The following PATL2 variants were observed in gnomAD, a reference collection of about 807,000 sequenced individuals.
PATL2 encodes the protein protein PAT1 homolog 2.
Under a neutral mutation model 77.0 loss-of-function variants are expected in PATL2, and 73 were observed. That is an observed-to-expected ratio of 0.95 (90% CI 0.78 to 1.15). The LOEUF is 1.15. Ranked by LOEUF, PATL2 falls within the 50% of genes most tolerant of loss-of-function variation. The probability of loss-of-function intolerance (pLI) is 0.00; values close to 1 mark genes in which losing one functional copy is unlikely to be tolerated. For synonymous variants in PATL2, 265 were observed against 257.1 expected (o/e 1.03, Z -0.29); for missense variants, 618 against 655.4 (o/e 0.94, Z 0.62).
chr15:44,673,092 T>C, intron 7 of PATL2, 143 bp downstream of exon 7: 2 of 1,148,294 alleles, frequency 1.7e-6, no homozygotes, highest in Non-Finnish European at 1.2e-6. Flanking sequence ...TGGGGCTAAT[T>C]TGTGAGGGAG....
rs565438426 is a variant in PATL2 at position 44,691,638 on chromosome 15, G to A, written c.-75-15073C>T. Reference sequence around the variant, plus strand: ...ACAGCACCACTGCACTCCAGCCTGAGCCACAGAGTGAGACTCTGTCTCAAA... The same window carrying A: ...ACAGCACCACTGCACTCCAGCCTGAACCACAGAGTGAGACTCTGTCTCAAA... On this transcript the variant is annotated intron_variant, in intron 3 of 17. Transcript: ENST00000682850. Among the ~76,000 whole-genome samples the A allele has an allele frequency of 5.3e-5, 8 of 150,076 alleles. No homozygotes were observed. The East Asian group carries it at 1.6e-3, about 29-fold the overall frequency.
rs1227219730 is a variant in PATL2 at position 44,672,445 on chromosome 15, T to G, written c.458A>C (p.Gln153Pro). ...SWPPRFSHLTQLHPRHQRILQ... is the reference protein window; with the variant it reads ...SWPPRFSHLTPLHPRHQRILQ... ...GATTCGTTGGTGCCGAGGGTGGAGC[T>G]GGGTCAGATGACTGGGAAGACAAGA... Residue 153 changes from glutamine (Q) to proline (P), a missense_variant, in exon 8 of 18, where the codon CAG becomes CCG. Coordinates refer to ENST00000682850, the MANE Select transcript of PATL2 (RefSeq NM_001387263.1). 1 of 1,551,474 alleles carries G rather than the reference T, an allele frequency of 6.4e-7. No homozygotes were observed. Among genetic ancestry groups the G allele is most frequent in the Non-Finnish European group, 8.7e-7 (1 of 1,146,946 alleles).
chr15:44,700,544 A>T (rs1303735903), intron 3 of PATL2, among the ~76,000 whole-genome samples: 1 of 152,070 alleles, frequency 6.6e-6, no homozygotes, highest in African/African-American at 2.4e-5. Context: ...TCAAGTGATC[A>T]GCCCACTTTG....
At chr15:44,666,346 T>C (rs1201905066) in intron 17 of PATL2, 46 bp downstream of exon 17, 3 of 1,546,766 alleles carry the variant, frequency 1.9e-6, no homozygotes, top group South Asian at 2.4e-5. Flanking sequence ...AGAACATAGA[T>C]TGGGCTTGAA....
chr15:44,668,336 T>A lies in PATL2; in HGVS notation c.1365+6A>T, dbSNP rs972838348. 5.2e-6 allele frequency: 8 copies of A among 1,550,008 alleles called. No homozygotes were observed. The highest frequency in any genetic ancestry group is 7.0e-6 in the Non-Finnish European group (8 of 1,146,702). On this transcript the variant is annotated splice_donor_region_variant and intron_variant, in intron 15 of 17. Coordinates refer to ENST00000682850, the MANE Select transcript of PATL2 (RefSeq NM_001387263.1). ...TCTATGGAAAAAAGCCTCCTAGACATGTTACCTGATTCTGAAGCACCACGG... is the reference window on the plus strand; with the variant it reads ...TCTATGGAAAAAAGCCTCCTAGACAAGTTACCTGATTCTGAAGCACCACGG...
In PATL2 at chr15:44,673,356, T is replaced by A; in HGVS notation, c.325A>T (p.Ile109Phe). ...CTGGGAAATGTAGGCCAGAAAGGGA[T>A]GGGCGACAGGTAGTCCAAGGTCTGA... ...LWQTLDYLSPIPFWPTFPSTS... is the reference protein window; with the variant it reads ...LWQTLDYLSPFPFWPTFPSTS... Residue 109 changes from isoleucine (I) to phenylalanine (F), a missense_variant, in exon 7 of 18, where the codon ATC becomes TTC. Transcript: ENST00000682850. The A allele has an allele frequency of 1.3e-6, 2 of 1,551,678 alleles. No individual in the cohort carries two copies. The highest frequency in any genetic ancestry group is 1.7e-4 in the Middle Eastern group (1 of 5,990).
chr15:44,690,825 G>A (rs1205950378), intron 3 of PATL2, among the ~76,000 whole-genome samples: 2 of 151,960 alleles, frequency 1.3e-5, no homozygotes, highest in Non-Finnish European at 2.9e-5. Flanking sequence ...CAGTAACCAT[G>A]TCAAAATTAA....
chr15:44,695,048 C>T lies in PATL2; in HGVS notation c.-76+15048G>A, dbSNP rs544596195. ...TAAAAATACAAAAAAATTAGCTGGGCGTGGTGGCACGTGCCTGTAGTCCCA... is the reference window on the plus strand; with the variant it reads ...TAAAAATACAAAAAAATTAGCTGGGTGTGGTGGCACGTGCCTGTAGTCCCA... On this transcript the variant is annotated intron_variant, in intron 3 of 17. Coordinates refer to ENST00000682850, the MANE Select transcript of PATL2 (RefSeq NM_001387263.1). Among the ~76,000 whole-genome samples, 12 of 152,086 alleles carry T rather than the reference C, an allele frequency of 7.9e-5. No homozygotes were observed. The East Asian group carries it at 2.3e-3, about 29-fold the overall frequency.
At chr15:44,682,416 C>A (rs2086154012) in intron 3 of PATL2, among the ~76,000 whole-genome samples, 2 of 152,204 alleles carry the variant, frequency 1.3e-5, no homozygotes, top group African/African-American at 4.8e-5. Context: ...TTTGTCACTC[C>A]CACTTGCAAG....
Position 44,668,456 on chromosome 15 carries a change from C to A in PATL2, c.1251G>T (p.Leu417=). 6.4e-7 allele frequency: 1 copy of A among 1,551,182 alleles called. No individual in the cohort carries two copies. Among genetic ancestry groups the A allele is most frequent in the Non-Finnish European group, 8.7e-7 (1 of 1,146,882 alleles). ...GGGTCAAGTGACTAATACATTTGCC[C>A]AGAGGTTTGAATAACATTTGTAGGG... The part of the protein sequence containing the change: ...DQALQMLFKP[L]GKCISHLTLH... Residue 417 remains leucine, a synonymous_variant, in exon 15 of 18, where the codon CTG becomes CTT. Coordinates refer to ENST00000682850, the MANE Select transcript of PATL2 (RefSeq NM_001387263.1).
intron 3 of PATL2, among the ~76,000 whole-genome samples, chr15:44,700,288 TTTTCTTTTTATTTTC>T (rs969838866): frequency 1.3e-5 from 2 of 152,082 alleles, no homozygotes; most frequent in Non-Finnish European, 2.9e-5. Flanking sequence ...TGTACGTTGA[TTTTCTTTTTATTTTC>T]TTTCTTTTTG....
chr15:44,693,794 A>C (rs114415504), intron 3 of PATL2, among the ~76,000 whole-genome samples: 2 of 150,904 alleles, frequency 1.3e-5, no homozygotes, highest in African/African-American at 4.9e-5. Flanking sequence ...CTTCAATCGC[A>C]CTTCAAGCGG....
Position 44,668,958 on chromosome 15 carries a change from TCTC to T in PATL2, c.1224+19_1224+21del. The T allele has an allele frequency of 6.6e-7, 1 of 1,514,292 alleles. No individual in the cohort carries two copies. Among genetic ancestry groups the T allele is most frequent in the South Asian group, 1.3e-5 (1 of 79,404 alleles). 93.8% of individuals were successfully genotyped at this position (1,514,292 alleles called of 1,614,324 possible). ...TAACCTATTCAGGAGACCATCCTCTTCTCCACTCAATGCCACAGTACCTGATCA... is the reference window on the plus strand; with the variant it reads ...TAACCTATTCAGGAGACCATCCTCTTCACTCAATGCCACAGTACCTGATCA... On this transcript the variant is annotated intron_variant, in intron 14 of 17. Coordinates refer to ENST00000682850, the MANE Select transcript of PATL2 (RefSeq NM_001387263.1).
chr15:44,670,924 G>A (rs2085641398), intron 9 of PATL2, among the ~76,000 whole-genome samples: 4 of 152,242 alleles, frequency 2.6e-5, no homozygotes, highest in African/African-American at 9.6e-5. Context: ...TTATACTTCT[G>A]TGGATTTGCT....
rs143691336 is a variant in PATL2 at position 44,669,990 on chromosome 15, G to A, written c.755C>T (p.Pro252Leu). ...ESLKLVTPYI[P>L]KAEAYESVVR... ...ACCGGACTCATAAGCCTCTGCCTTC[G>A]GAATGTAAGGCGTTACCAGCTTGAG... The change falls in exon 10 of 18, where the codon CCG becomes CTG. Residue 252 changes from proline (P) to leucine (L), a missense_variant. Transcript: ENST00000682850. The A allele has an allele frequency of 0.017, 26,560 of 1,548,788 alleles. 297 individuals carry two copies. Among genetic ancestry groups the A allele is most frequent in the Middle Eastern group, 0.026 (155 of 5,980 alleles).
intron 3 of PATL2, among the ~76,000 whole-genome samples, chr15:44,687,758 A>G (rs1036998340): frequency 7.2e-5 from 11 of 152,136 alleles, no homozygotes; most frequent in Admixed American, 5.9e-4. Flanking sequence ...CTATACACCA[A>G]TAATAGACAG....
At chr15:44,698,423 A>G (rs2086557995) in intron 3 of PATL2, among the ~76,000 whole-genome samples, 1 of 151,370 alleles carries the variant, frequency 6.6e-6, no homozygotes, top group Non-Finnish European at 1.5e-5. Context: ...GATAACCATT[A>G]TTCTACTCTC....
In PATL2 at chr15:44,668,265, C is replaced by T. The variant is rs137884862; in HGVS notation, c.1365+77G>A. 769 of 1,442,884 alleles carry T rather than the reference C, an allele frequency of 5.3e-4. 4 individuals carry two copies. Among genetic ancestry groups the T allele is most frequent in the Middle Eastern group, 3.5e-3 (14 of 4,010 alleles). The allele number at this position is 1,442,884 out of a possible 1,614,324, so 89.4% of individuals were successfully genotyped here. ...GGATAAGATTTGTGTAGAGATGAGA[C>T]TGTCCCCCAACTTACCCCTTATCAG... On this transcript the variant is annotated intron_variant, in intron 15 of 17. Transcript: ENST00000682850.
intron 3 of PATL2, among the ~76,000 whole-genome samples, chr15:44,687,020 T>C (rs1359236642): frequency 6.6e-6 from 1 of 151,974 alleles, no homozygotes; most frequent in Non-Finnish European, 1.5e-5. Flanking sequence ...TTCCAAACAA[T>C]AGAAAAAGAG....
Sources: gnomAD v4.1 joint callset for allele counts (sites outside exome capture counted in the v4.1 genomes callset) on GRCh38, gnomAD v4.1.1 for gene constraint, MANE v1.5 for transcripts, NCBI Gene and HGNC (gene_info 2026-07-23, HGNC 2026-07-21) for gene names.